The following MAN2B1 variants were observed in gnomAD, a reference collection of about 807,000 sequenced individuals.
MAN2B1 encodes the protein lysosomal alpha-mannosidase.
In MAN2B1, 99 loss-of-function variants were observed where a neutral mutation model predicts 127.5. The ratio of observed to expected loss-of-function variants is 0.78; its 90% CI spans 0.66 to 0.92. The LOEUF (loss-of-function observed/expected upper bound fraction) is 0.92. MAN2B1 is among the 40% of genes least tolerant of loss of function. The pLI is 0.00. For synonymous variants in MAN2B1, 573 were observed against 568.8 expected, an observed-to-expected ratio of 1.01 and a Z score of -0.11; for missense variants, 1,304 against 1,384.8, an observed-to-expected ratio of 0.94 and a Z score of 0.93.
intron 3 of MAN2B1, 48 bp downstream of exon 3, chr19:12,665,304 A>C (rs758582432): frequency 6.3e-7 from 1 of 1,594,828 alleles, no homozygotes; most frequent in South Asian, 1.1e-5. Context: ...ATGCAGAAGC[A>C]GAAGCTGGGC....
chr19:12,663,582 C>T, intron 5 of MAN2B1, 120 bp from the exon 6 acceptor site: 1 of 1,545,334 alleles, frequency 6.5e-7, no homozygotes, highest in Non-Finnish European at 8.8e-7. Context: ...AAAGGAAATG[C>T]AGGGCCTTTG....
At chr19:12,659,877 A>T (rs1327812258) in intron 7 of MAN2B1, among the ~76,000 whole-genome samples, 3 of 152,152 alleles carry the variant, frequency 2.0e-5, no homozygotes, top group Non-Finnish European at 2.9e-5. Context: ...AATAAATGAC[A>T]TAAAAGAGCT....
Position 12,647,159 on chromosome 19 carries a change from G to T in MAN2B1, c.2923+74C>A. ...TTTTGGGTCCTGGCCAACATCCCAT[G>T]CCTCACACATTGCCCCCACCTGCCG... On this transcript the variant is annotated intron_variant, in intron 23 of 23. Transcript: ENST00000456935. This position sits in a 1 kb window ranked among gnomAD's most constrained non-coding sequence, Gnocchi z 4.9. The T allele has an allele frequency of 7.4e-7, 1 of 1,355,226 alleles. No individual in the cohort carries two copies. The highest frequency in any genetic ancestry group is 1.1e-6 in the Non-Finnish European group (1 of 945,246). The allele number at this position is 1,355,226 out of a possible 1,614,324, so 84.0% of individuals were successfully genotyped here.
rs1208347322 is a variant in MAN2B1, at chr19:12,647,635, C to T, written c.2665-37G>A. ...AGGGCGGGGCTGAGTTGGAGAGGGG[C>T]GGGGCCTGGATGGAGAAGGGCGGGG... On this transcript the variant is annotated intron_variant, in intron 21 of 23. Transcript: ENST00000456935. This position sits in a 1 kb window ranked among gnomAD's most constrained non-coding sequence, Gnocchi z 4.9. 2 of 1,072,404 alleles carry T rather than the reference C, an allele frequency of 1.9e-6. No individual in the cohort carries two copies. The highest frequency in any genetic ancestry group is 2.0e-5 in the Admixed American group (1 of 49,112). 66.4% of individuals were successfully genotyped at this position (1,072,404 alleles called of 1,614,324 possible).
At chr19:12,655,649 A>G in intron 14 of MAN2B1, 45 bp downstream of exon 14, 1 of 1,584,736 alleles carries the variant, frequency 6.3e-7, no homozygotes, top group South Asian at 1.1e-5. Flanking sequence ...ATGACACTTC[A>G]AATTTGTCAC....
Position 12,657,562 on chromosome 19 carries a change from A to G in MAN2B1, c.1310-7T>C, listed in dbSNP as rs2145257269. The G allele has an allele frequency of 1.3e-6, 2 of 1,555,478 alleles. No homozygotes were observed. Among genetic ancestry groups the G allele is most frequent in the Non-Finnish European group, 1.7e-6 (2 of 1,149,100 alleles). ...AGCACAGCCATCGCCTCATCTGCTC[A>G]TAGACAATGAGTCCGGTGAGGTTCT... is the stretch of plus-strand genomic sequence containing the variant. On this transcript the variant is annotated splice_region_variant and splice_polypyrimidine_tract_variant and intron_variant, in intron 10 of 23. Coordinates refer to ENST00000456935, the MANE Select transcript of MAN2B1 (RefSeq NM_000528.4).
chr19:12,657,917 T>C, intron 10 of MAN2B1, 146 bp downstream of exon 10: 1 of 730,384 alleles, frequency 1.4e-6, no homozygotes, highest in Non-Finnish European at 2.2e-6. Context: ...ATCGCACCAC[T>C]GCACTCCAGC....
rs1310537291 is a variant in MAN2B1 at position 12,663,807 on chromosome 19, C to T, written c.659G>A (p.Arg220His). The T allele has an allele frequency of 8.7e-6, 14 of 1,614,038 alleles. No homozygotes were observed. The highest frequency in any genetic ancestry group is 5.3e-5 in the African/African-American group (4 of 74,910). Reference protein sequence around the residue: ...QMGFDGFFFGRLDYQDKWVRM... With the variant: ...QMGFDGFFFGHLDYQDKWVRM... ...TACCCACTTATCTTGATAATCAAGG[C>T]GCCCAAAGAAGAAGCCGTCGAAGCC... is the stretch of plus-strand genomic sequence containing the variant. The change falls in exon 5 of 24, where the codon CGC (arginine) becomes CAC (histidine). Residue 220 changes from arginine (R) to histidine (H), a missense_variant. Physicochemically the swap from Arg to His is conservative, Grantham distance 29. Transcript: ENST00000456935.
chr19:12,657,065 G>A lies in MAN2B1; in HGVS notation c.1420-9C>T, dbSNP rs2023980770. 1 of 1,557,254 alleles carries A rather than the reference G, an allele frequency of 6.4e-7. No homozygotes were observed. Among genetic ancestry groups the A allele is most frequent in the Non-Finnish European group, 8.8e-7 (1 of 1,135,458 alleles). On this transcript the variant is annotated splice_polypyrimidine_tract_variant and intron_variant, in intron 11 of 23. Coordinates refer to ENST00000456935, the MANE Select transcript of MAN2B1 (RefSeq NM_000528.4). ...GCGTTGCTCAGAAGAACCTGCGGAA[G>A]AGCGCAAAGGGACCGGTGGGTTCAG...
At chr19:12,657,214 A>G (rs1599350222) in intron 11 of MAN2B1, 158 bp from the exon 12 acceptor site, 2 of 682,462 alleles carry the variant, frequency 2.9e-6, no homozygotes. Context: ...ACTATACCCC[A>G]TAGCTGTCTC....
chr19:12,646,873 T>C (rs1211328947), intron 23 of MAN2B1, 141 bp from the exon 24 acceptor site: 1 of 667,692 alleles, frequency 1.5e-6, no homozygotes, highest in East Asian at 2.7e-5. Flanking sequence ...ACTCTTAACC[T>C]GCTTCCCCGG....
Position 12,658,148 on chromosome 19 carries a change from G to A in MAN2B1, c.1231-7C>T, listed in dbSNP as rs2145260291. On this transcript the variant is annotated splice_region_variant and splice_polypyrimidine_tract_variant and intron_variant, in intron 9 of 23. Coordinates refer to ENST00000456935, the MANE Select transcript of MAN2B1 (RefSeq NM_000528.4). ...CCTCCAGCTGGTTGCACACCTGGAG[G>A]CAGAGGGGTATGTTGGGGCGCCCAG... The A allele has an allele frequency of 6.2e-7, 1 of 1,613,536 alleles. No homozygotes were observed. Among genetic ancestry groups the A allele is most frequent in the African/African-American group, 1.3e-5 (1 of 75,052 alleles).
Position 12,650,168 on chromosome 19 carries a change from C to A in MAN2B1, c.2101G>T (p.Val701Phe), listed in dbSNP as rs561720564. The change falls in exon 17 of 24, where the codon GTT (valine) becomes TTT (phenylalanine). Residue 701 changes from valine (V) to phenylalanine (F), a missense_variant. Physicochemically the swap from Val to Phe is conservative, Grantham distance 50. Coordinates refer to ENST00000456935, the MANE Select transcript of MAN2B1 (RefSeq NM_000528.4). ...QNFSAWCSQV[V>F]RLYPGQRHLE... is the part of the protein sequence containing the mutation. ...TGCCGCTGTCCTGGGTACAGGCGAACCACCTGGGAACACCAAGCTGAGAAG... is the reference window on the plus strand; with the variant it reads ...TGCCGCTGTCCTGGGTACAGGCGAAACACCTGGGAACACCAAGCTGAGAAG... 1 of 1,614,048 alleles carries A rather than the reference C, an allele frequency of 6.2e-7. No homozygotes were observed. Among genetic ancestry groups the A allele is most frequent in the South Asian group, 1.1e-5 (1 of 91,080 alleles).
At chr19:12,654,265 A>G (rs2023910599) in intron 14 of MAN2B1, among the ~76,000 whole-genome samples, 1 of 151,412 alleles carries the variant, frequency 6.6e-6, no homozygotes. Context: ...GATGGTCTCC[A>G]TCTCCTGACC....
In MAN2B1 at chr19:12,648,425, G is replaced by C. The variant is rs189469608; in HGVS notation, c.2437-23C>G. On this transcript the variant is annotated intron_variant, in intron 20 of 23. Coordinates refer to ENST00000456935, the MANE Select transcript of MAN2B1 (RefSeq NM_000528.4). ...CACCTGGGGGGAGAGTGGCCAGGAGGGGGTGAGAGTCGTGGGTTTGTGGGT... is the reference window on the plus strand; with the variant it reads ...CACCTGGGGGGAGAGTGGCCAGGAGCGGGTGAGAGTCGTGGGTTTGTGGGT... 17 of 1,585,608 alleles carry C rather than the reference G, an allele frequency of 1.1e-5. No homozygotes were observed. In the Admixed American group the frequency reaches 1.5e-4, roughly 14 times the overall value.
chr19:12,655,607 G>T, intron 14 of MAN2B1, 87 bp downstream of exon 14: 2 of 1,372,106 alleles, frequency 1.5e-6, no homozygotes, highest in Non-Finnish European at 2.0e-6. Context: ...TAAGCCTAGG[G>T]ACCTGCTGAC....
Position 12,648,306 on chromosome 19 carries a change from G to A in MAN2B1, c.2533C>T (p.Leu845=), listed in dbSNP as rs2023747886. The A allele has an allele frequency of 6.2e-7, 1 of 1,613,100 alleles. No homozygotes were observed. The change falls in exon 21 of 24, where the codon CTG becomes TTG. Residue 845 remains leucine (L), a synonymous_variant. Transcript: ENST00000456935. ...GCTGCAGCCTGGGCTGTGTCCAGCAGCACCAGGTGGCGCCCTCGCACCCAC... is the reference window on the plus strand; with the variant it reads ...GCTGCAGCCTGGGCTGTGTCCAGCAACACCAGGTGGCGCCCTCGCACCCAC... ...GAWVRGRHLV[L]LDTAQAAAAG...
At chr19:12,650,796 G>A (rs528002623) in intron 16 of MAN2B1, among the ~76,000 whole-genome samples, 9 of 151,612 alleles carry the variant, frequency 5.9e-5, no homozygotes, top group South Asian at 2.1e-4. Context: ...TCAGCCTCCC[G>A]AGTAGAGGGA....
At chr19:12,652,509 G>T in intron 14 of MAN2B1, 49 bp from the exon 15 acceptor site, 41 of 1,217,230 alleles carry the variant, frequency 3.4e-5, no homozygotes, top group African/African-American at 4.6e-5. Flanking sequence ...ATGTGTGTGT[G>T]TTTTCTTTTT....
Sources: allele counts gnomAD v4.1 joint callset (sites outside exome capture counted in the v4.1 genomes callset), GRCh38; gene constraint gnomAD v4.1.1; non-coding constraint Gnocchi (gnomAD v3.1); transcripts MANE v1.5; gene names NCBI Gene and HGNC (gene_info 2026-07-23, HGNC 2026-07-21).